The following HCN1 variants were observed in gnomAD, a reference collection of about 807,000 sequenced individuals.
HCN1 encodes the protein hyperpolarization activated cyclic nucleotide gated potassium channel 1, also known as potassium/sodium hyperpolarization-activated cyclic nucleotide-gated channel 1.
A neutral mutation model predicts 78.9 loss-of-function variants in HCN1; 13 were observed. That is an observed-to-expected ratio of 0.16 (90% CI 0.11 to 0.26). HCN1 has a LOEUF of 0.26. Ranked by LOEUF, HCN1 falls within the 10% of genes least tolerant of loss-of-function variation. The pLI is 1.00. For missense variants in HCN1, 810 were observed against 1,154.3 expected, an observed-to-expected ratio of 0.70 and a Z score of 4.32; for synonymous variants, 552 against 455.5, an observed-to-expected ratio of 1.21 and a Z score of -2.70.
chr5:45,286,513 A>G (rs963703813), intron 6 of HCN1, among the ~76,000 whole-genome samples: 3 of 152,016 alleles, frequency 2.0e-5, no homozygotes, highest in Non-Finnish European at 4.4e-5. Flanking sequence ...AATGAATGCA[A>G]TTAAGATTTT....
intron 1 of HCN1, among the ~76,000 whole-genome samples, chr5:45,670,520 T>C (rs1746130190): frequency 6.6e-6 from 1 of 151,676 alleles, no homozygotes; most frequent in Non-Finnish European, 1.5e-5. Context: ...TCATCCTCAA[T>C]TAGAAAAATA....
chr5:45,348,386 C>T (rs980724232), intron 5 of HCN1, among the ~76,000 whole-genome samples: 9 of 152,212 alleles, frequency 5.9e-5, no homozygotes, highest in South Asian at 2.1e-4. Flanking sequence ...TGGAAAGGAA[C>T]GACCGGTACC....
chr5:45,568,613 T>C (rs1743762943), intron 2 of HCN1, among the ~76,000 whole-genome samples: 1 of 152,020 alleles, frequency 6.6e-6, no homozygotes, highest in South Asian at 2.1e-4. Context: ...TTATTATTAG[T>C]TTTAAAAATC....
At chr5:45,400,632 C>T (rs1739774809) in intron 3 of HCN1, among the ~76,000 whole-genome samples, 1 of 151,988 alleles carries the variant, frequency 6.6e-6, no homozygotes, top group African/African-American at 2.4e-5. Context: ...ACTCAAATTC[C>T]ATCACCTCAG....
intron 2 of HCN1, among the ~76,000 whole-genome samples, chr5:45,498,353 T>C (rs976411117): frequency 5.9e-5 from 9 of 152,222 alleles, no homozygotes; most frequent in Non-Finnish European, 1.2e-4. Flanking sequence ...CCATCGCTGA[T>C]ACTGCTTCTT....
rs71000635 is a variant in HCN1, at chr5:45,402,813, CTCCTTCCTTCCTTCCT to C, written c.1012-6119_1012-6104del. 9.9e-3 allele frequency among the ~76,000 whole-genome samples: 976 copies of C among 98,426 alleles called. 24 individuals carry two copies. The highest frequency in any genetic ancestry group is 0.038 in the African/African-American group (937 of 24,730). 64.6% of individuals were successfully genotyped at this position (98,426 alleles called of 152,430 possible). A position where few individuals can be genotyped will look rare whatever the true frequency, so the allele number is the denominator to read the frequency against. On this transcript the variant is annotated intron_variant, in intron 3 of 7. Transcript: ENST00000303230. ...TCCTTTCCTTTCTTTCCTTTCTTTC[CTCCTTCCTTCCTTCCT>C]TCCTTCCTTCCTTCCTTCCTTCCTT...
At chr5:45,308,866 T>C (rs534282982) in intron 5 of HCN1, among the ~76,000 whole-genome samples, 3 of 152,164 alleles carry the variant, frequency 2.0e-5, no homozygotes, top group Non-Finnish European at 4.4e-5. Flanking sequence ...TTTGGTTCCA[T>C]ATGAATTTTA....
At chr5:45,578,228 G>C (rs1743988533) in intron 2 of HCN1, among the ~76,000 whole-genome samples, 1 of 151,970 alleles carries the variant, frequency 6.6e-6, no homozygotes, top group South Asian at 2.1e-4. Flanking sequence ...AACTTAGTAA[G>C]ACAAAGGTCT....
rs2112097628 is a variant in HCN1, at chr5:45,687,071, G to A, written c.425+8598C>T. 1.3e-5 allele frequency among the ~76,000 whole-genome samples: 2 copies of A among 152,258 alleles called. 1 individual carries two copies. Among genetic ancestry groups the A allele is most frequent in the Middle Eastern group, 6.8e-3 (2 of 294 alleles). On this transcript the variant is annotated intron_variant, in intron 1 of 7. Coordinates refer to ENST00000303230, the MANE Select transcript of HCN1 (RefSeq NM_021072.4). ...TGGCAAGGTATGGATTTCTTATGGA[G>A]ATTACTTTCTCTCAGAATTTTGCAG...
At chr5:45,690,026 T>C (rs1020848441) in intron 1 of HCN1, among the ~76,000 whole-genome samples, 13 of 152,194 alleles carry the variant, frequency 8.5e-5, no homozygotes, top group African/African-American at 2.9e-4. Flanking sequence ...TAGGCAGTCA[T>C]TCCATTCCCT....
chr5:45,523,784 C>T (rs960359531), intron 2 of HCN1, among the ~76,000 whole-genome samples: 8 of 152,056 alleles, frequency 5.3e-5, no homozygotes, highest in East Asian at 1.9e-4. Context: ...GAATAGGTTG[C>T]GAAAATTTTC....
At chr5:45,408,013 A>G (rs1739958360) in intron 3 of HCN1, among the ~76,000 whole-genome samples, 1 of 152,228 alleles carries the variant, frequency 6.6e-6, no homozygotes, top group Non-Finnish European at 1.5e-5. Context: ...ATAGAAAAAA[A>G]TCATATAGAA....
intron 3 of HCN1, among the ~76,000 whole-genome samples, chr5:45,403,267 T>C (rs1483573894): frequency 6.6e-6 from 1 of 152,108 alleles, no homozygotes; most frequent in East Asian, 1.9e-4. Flanking sequence ...AGTAGAGGAA[T>C]GACATCCTAA....
chr5:45,276,307 A>G (rs2111860791), intron 6 of HCN1, among the ~76,000 whole-genome samples: 1 of 152,254 alleles, frequency 6.6e-6, no homozygotes, highest in African/African-American at 2.4e-5. Flanking sequence ...TCATTCATTC[A>G]GAATGGATTC....
intron 6 of HCN1, among the ~76,000 whole-genome samples, chr5:45,290,789 T>C (rs1745357091): frequency 6.6e-6 from 1 of 151,970 alleles, no homozygotes; most frequent in Non-Finnish European, 1.5e-5. Flanking sequence ...TATAGTCTCA[T>C]AGTTTCCATA....
intron 2 of HCN1, among the ~76,000 whole-genome samples, chr5:45,566,938 A>G (rs1230130972): frequency 6.6e-6 from 1 of 152,168 alleles, no homozygotes; most frequent in Non-Finnish European, 1.5e-5. Flanking sequence ...TCCCCTCACT[A>G]TTACTTTCTC....
At chr5:45,379,919 A>C (rs1747768691) in intron 4 of HCN1, among the ~76,000 whole-genome samples, 1 of 152,060 alleles carries the variant, frequency 6.6e-6, no homozygotes, top group African/African-American at 2.4e-5. Flanking sequence ...TGATGATTAC[A>C]TGACAAAATA....
intron 2 of HCN1, among the ~76,000 whole-genome samples, chr5:45,519,949 A>T (rs1257523805): frequency 6.6e-6 from 1 of 152,034 alleles, no homozygotes; most frequent in Non-Finnish European, 1.5e-5. Flanking sequence ...ATAAGAGTTG[A>T]CAACAGTTAT....
chr5:45,359,059 G>T (rs1011753336), intron 4 of HCN1, among the ~76,000 whole-genome samples: 1 of 151,968 alleles, frequency 6.6e-6, no homozygotes. Context: ...CAATGATTGG[G>T]CATTTCTTTG....
Sources: allele counts gnomAD v4.1 joint callset (sites outside exome capture counted in the v4.1 genomes callset), GRCh38; gene constraint gnomAD v4.1.1; transcripts MANE v1.5; gene names NCBI Gene and HGNC (gene_info 2026-07-23, HGNC 2026-07-21).